The following QKI variants were observed in gnomAD, a reference collection of about 807,000 sequenced individuals.
QKI encodes QKI, KH domain containing RNA binding.
QKI carries 10 observed loss-of-function variants against 39.0 expected under a neutral mutation model. The observed-to-expected ratio is 0.26, with a 90% CI of 0.16 to 0.43. The LOEUF (loss-of-function observed/expected upper bound fraction) is 0.43. QKI is among the 20% of genes least tolerant of loss of function. The probability of loss-of-function intolerance (pLI) is 1.00; values close to 1 mark genes in which losing one functional copy is unlikely to be tolerated. For missense variants in QKI, 218 were observed against 428.0 expected (o/e 0.51, Z 4.33); for synonymous variants, 204 against 155.4 (o/e 1.31, Z -2.33).
intron 3 of QKI, among the ~76,000 whole-genome samples, chr6:163,514,146 G>C (rs994625742): frequency 2.6e-5 from 4 of 152,066 alleles, no homozygotes; most frequent in Non-Finnish European, 5.9e-5. Context: ...ACCCAACAGT[G>C]GTTAGACAGG....
At chr6:163,496,682 T>G (rs1376353525) in intron 3 of QKI, among the ~76,000 whole-genome samples, 3 of 152,194 alleles carry the variant, frequency 2.0e-5, no homozygotes, top group Non-Finnish European at 4.4e-5. Flanking sequence ...ACTCTTTGCC[T>G]CCTCTTTGTG....
At chr6:163,428,180 A>C (rs182107126) in intron 1 of QKI, among the ~76,000 whole-genome samples, 121 of 152,360 alleles carry the variant, frequency 7.9e-4, no homozygotes, top group Non-Finnish European at 1.6e-3. Flanking sequence ...CATGTGAAAA[A>C]GTTGTCATAG....
chr6:163,478,420 C>T (rs1471074755), intron 2 of QKI, among the ~76,000 whole-genome samples: 1 of 152,192 alleles, frequency 6.6e-6, no homozygotes, highest in Non-Finnish European at 1.5e-5. Context: ...GACAAAGAGA[C>T]AGTTGGACAT....
At chr6:163,468,103 G>A (rs944987438) in intron 2 of QKI, among the ~76,000 whole-genome samples, 6 of 152,152 alleles carry the variant, frequency 3.9e-5, no homozygotes, top group South Asian at 4.2e-4. Context: ...GGTGTGGTCC[G>A]TTTTTTGTCT....
At chr6:163,551,191 A>T (rs1782218115) in intron 4 of QKI, among the ~76,000 whole-genome samples, 1 of 152,168 alleles carries the variant, frequency 6.6e-6, no homozygotes, top group Non-Finnish European at 1.5e-5. Flanking sequence ...ATCTATGGTC[A>T]TCAAAATTTG....
intron 1 of QKI, among the ~76,000 whole-genome samples, chr6:163,454,541 T>C (rs1332642121): frequency 6.6e-6 from 1 of 152,190 alleles, no homozygotes; most frequent in African/African-American, 2.4e-5. Flanking sequence ...TAGTATTCGA[T>C]ACTGTTGGTC....
chr6:163,436,301 C>G (rs956883726), intron 1 of QKI, among the ~76,000 whole-genome samples: 1 of 152,130 alleles, frequency 6.6e-6, no homozygotes, highest in African/African-American at 2.4e-5. Flanking sequence ...ATACACAACC[C>G]TGATTCTTTT....
chr6:163,464,552 C>CT (rs1323703788), intron 2 of QKI, among the ~76,000 whole-genome samples: 1 of 152,054 alleles, frequency 6.6e-6, no homozygotes, highest in Non-Finnish European at 1.5e-5. Context: ...AAAGACTACT[C>CT]TGAGTAAATA....
rs897845234 is a variant in QKI at position 163,571,609 on chromosome 6, G to A, written c.*899G>A. 5 of 151,746 alleles carry A rather than the reference G, an allele frequency of 3.3e-5. No homozygotes were observed. The highest frequency in any genetic ancestry group is 1.2e-4 in the African/African-American group (5 of 41,322). The allele number at this position is 151,746 out of a possible 1,614,324, so 9.4% of individuals were successfully genotyped here. ...AATGAAATTGTAGATAAAGTGTAGT[G>A]CATTGAAACAAATGAACAAAAAGTA... On this transcript the variant is annotated 3_prime_UTR_variant, in exon 8 of 8. Transcript: ENST00000361752.
intron 4 of QKI, among the ~76,000 whole-genome samples, chr6:163,550,320 C>G (rs1394455776): frequency 6.6e-6 from 1 of 152,116 alleles, no homozygotes; most frequent in Non-Finnish European, 1.5e-5. Flanking sequence ...CAGTTCTCTT[C>G]CTGTAATAAT....
intron 7 of QKI, chr6:163,570,289 A>G (rs1197945141): frequency 1.0e-6 from 1 of 984,586 alleles, no homozygotes; most frequent in Non-Finnish European, 1.2e-6. Context: ...AGAGAATACT[A>G]ATGCTTAATA....
intron 3 of QKI, among the ~76,000 whole-genome samples, chr6:163,525,191 A>C (rs1240458583): frequency 6.6e-6 from 1 of 152,122 alleles, no homozygotes; most frequent in East Asian, 1.9e-4. Context: ...TGCCACTCTC[A>C]ACATCAGTAC....
At chr6:163,427,780 T>C (rs1216818121) in intron 1 of QKI, among the ~76,000 whole-genome samples, 1 of 151,912 alleles carries the variant, frequency 6.6e-6, no homozygotes, top group East Asian at 1.9e-4. Context: ...GCACGAAGGG[T>C]AGGGAAAAAA....
At chr6:163,521,552 T>G (rs1780156925) in intron 3 of QKI, among the ~76,000 whole-genome samples, 1 of 152,132 alleles carries the variant, frequency 6.6e-6, no homozygotes, top group African/African-American at 2.4e-5. Flanking sequence ...AGACAGAAAC[T>G]CACTCTGTCG....
chr6:163,563,485 C>T lies in QKI; in HGVS notation c.700C>T (p.Pro234Ser), dbSNP rs773954748. 4.3e-6 allele frequency: 7 copies of T among 1,614,134 alleles called. No homozygotes were observed. Among genetic ancestry groups the T allele is most frequent in the Non-Finnish European group, 4.2e-6 (5 of 1,179,994 alleles). Reference protein sequence around the residue: ...AAPRIITGPAPVLPPAALRTP... With the variant: ...AAPRIITGPASVLPPAALRTP... ...TCCAAGGATCATTACTGGGCCTGCG[C>T]CGGTTCTCCCACCAGCTGCCCTGCG... is the stretch of plus-strand genomic sequence containing the variant. The change falls in exon 6 of 8, where the codon CCG (proline) becomes TCG (serine). Residue 234 changes from proline (P) to serine (S), a missense_variant. By Grantham distance (74) the Pro-to-Ser change is moderately conservative (BLOSUM62 -1). This residue lies in a region of QKI where 117 missense variants were observed against 186.0 expected (regional missense o/e 0.63). Coordinates refer to ENST00000361752, the MANE Select transcript of QKI (RefSeq NM_006775.3).
intron 4 of QKI, among the ~76,000 whole-genome samples, chr6:163,542,618 CTT>C (rs1265305962): frequency 1.3e-5 from 2 of 151,998 alleles, no homozygotes; most frequent in Non-Finnish European, 2.9e-5. Context: ...TTAAAACAGA[CTT>C]TGGCACACAA....
intron 4 of QKI, among the ~76,000 whole-genome samples, chr6:163,543,980 A>C (rs539995802): frequency 6.6e-6 from 1 of 152,220 alleles, no homozygotes; most frequent in African/African-American, 2.4e-5. Context: ...GCATGTAATA[A>C]ATACATATTT....
At chr6:163,561,726 G>A (rs1229220192) in intron 4 of QKI, among the ~76,000 whole-genome samples, 1 of 152,064 alleles carries the variant, frequency 6.6e-6, no homozygotes, top group Non-Finnish European at 1.5e-5. Flanking sequence ...GCTTTTTAGG[G>A]GAACTTTAAT....
chr6:163,466,606 C>T (rs1322257701), intron 2 of QKI, among the ~76,000 whole-genome samples: 1 of 146,010 alleles, frequency 6.8e-6, no homozygotes, highest in African/African-American at 2.8e-5. Flanking sequence ...ACAAGGGTAC[C>T]ATGACTACAC....
Sources: allele counts gnomAD v4.1 joint callset (sites outside exome capture counted in the v4.1 genomes callset), GRCh38; gene constraint gnomAD v4.1.1; regional missense constraint gnomAD v4.1.1; transcripts MANE v1.5; gene names NCBI Gene and HGNC (gene_info 2026-07-23, HGNC 2026-07-21).